The following LEO1 variants were observed in gnomAD, a reference collection of about 807,000 sequenced individuals.
LEO1 encodes RNA polymerase-associated protein LEO1.
In LEO1, 34 loss-of-function variants were observed where a neutral mutation model predicts 80.4. The observed-to-expected ratio is 0.42, with a 90% CI of 0.32 to 0.56. The LOEUF is 0.56. LEO1 is among the 20% of genes least tolerant of loss of function. LEO1 has a pLI of 0.10. For synonymous variants in LEO1, 262 were observed against 274.9 expected (o/e 0.95, Z 0.46); for missense variants, 631 against 814.2 (o/e 0.77, Z 2.74).
intron 6 of LEO1, 40 bp from the exon 7 acceptor site, chr15:51,954,615 A>C: frequency 7.5e-7 from 1 of 1,335,974 alleles, no homozygotes; most frequent in Non-Finnish European, 1.1e-6. Flanking sequence ...TTATAGTTTA[A>C]ATGACTCTAT....
intron 11 of LEO1, among the ~76,000 whole-genome samples, chr15:51,946,088 G>C (rs1278469734): frequency 2.6e-5 from 4 of 151,974 alleles, no homozygotes; most frequent in South Asian, 4.1e-4. Flanking sequence ...ATATGAAAAA[G>C]ATGCTGTTTA....
At chr15:51,958,363 G>A (rs2057005474) in intron 6 of LEO1, among the ~76,000 whole-genome samples, 1 of 152,146 alleles carries the variant, frequency 6.6e-6, no homozygotes, top group Non-Finnish European at 1.5e-5. Context: ...GCTGAGATGG[G>A]AAGATCACTT....
chr15:51,954,330 T>A (rs1023829944), intron 7 of LEO1, 151 bp downstream of exon 7: 1 of 596,500 alleles, frequency 1.7e-6, no homozygotes, highest in East Asian at 2.8e-5. Context: ...TCCACTGAGC[T>A]GTTATCATGT....
At position 51,951,836 on chromosome 15, in the gene LEO1, A is replaced by C; in HGVS notation, c.1611+8T>G. On this transcript the variant is annotated splice_region_variant and intron_variant, in intron 9 of 11. Transcript: ENST00000299601. Reference sequence around the variant, plus strand: ...TCCCAGGATAACGCTTAGGCTTAGCAAACATACCTTAATCATTTCTGTGCG... The same window carrying C: ...TCCCAGGATAACGCTTAGGCTTAGCCAACATACCTTAATCATTTCTGTGCG... 1 of 1,613,562 alleles carries C rather than the reference A, an allele frequency of 6.2e-7. No homozygotes were observed. The highest frequency in any genetic ancestry group is 8.5e-7 in the Non-Finnish European group (1 of 1,179,634).
At chr15:51,960,101 A>G in intron 4 of LEO1, 57 bp from the exon 5 acceptor site, 1 of 1,372,744 alleles carries the variant, frequency 7.3e-7, no homozygotes, top group Non-Finnish European at 1.0e-6. Flanking sequence ...GGCTTCCTTC[A>G]ACCTCCACAC....
rs774730401 is a variant in LEO1, at chr15:51,962,436, G to A, written c.872C>T (p.Ala291Val). 8 of 1,613,488 alleles carry A rather than the reference G, an allele frequency of 5.0e-6. No individual in the cohort carries two copies. The South Asian group carries it at 5.5e-5, about 11-fold the overall frequency. Residue 291 changes from alanine (A) to valine (V), a missense_variant, in exon 3 of 12, where the codon GCG becomes GTG. Around this residue, in one of 4 missense-constraint regions of LEO1, gnomAD observed 394 missense variants for 395.6 expected, o/e 1.00. Transcript: ENST00000299601. ...DEVLRMKRKN[A>V]IASDSEADSD... ...ATCCGCTTCTGAATCAGATGCAATCGCATTCTTGCGTTTCATTCGTAAAAC... is the reference window on the plus strand; with the variant it reads ...ATCCGCTTCTGAATCAGATGCAATCACATTCTTGCGTTTCATTCGTAAAAC...
At chr15:51,960,404 ATC>A (rs2057020817) in intron 4 of LEO1, among the ~76,000 whole-genome samples, 2 of 152,302 alleles carry the variant, frequency 1.3e-5, no homozygotes, top group African/African-American at 4.8e-5. Flanking sequence ...TGGTTCTCAA[ATC>A]ACAAGTCCTC....
Position 51,966,064 on chromosome 15 carries a change from T to G in LEO1, c.499A>C (p.Arg167=), listed in dbSNP as rs201276820. The change falls in exon 2 of 12, where the codon AGG becomes CGG. Residue 167 remains arginine, a synonymous_variant. Transcript: ENST00000299601. ...TTATCTTCATCAGATCCTTGTGCCC[T>G]CTCCTCATCATCAGAATTTTGTATC... ...EKIQNSDDEE[R]AQGSDEDKLQ... 9.3e-6 allele frequency: 15 copies of G among 1,613,914 alleles called. No individual in the cohort carries two copies. The highest frequency in any genetic ancestry group is 1.7e-5 in the Admixed American group (1 of 59,994).
At chr15:51,942,236 A>G (rs2056858810) in intron 11 of LEO1, among the ~76,000 whole-genome samples, 1 of 152,124 alleles carries the variant, frequency 6.6e-6, no homozygotes, top group African/African-American at 2.4e-5. Flanking sequence ...CGGAAGTAAA[A>G]TTTTTGTTGT....
intron 2 of LEO1, among the ~76,000 whole-genome samples, chr15:51,963,345 T>C (rs934256435): frequency 2.0e-5 from 3 of 151,894 alleles, no homozygotes; most frequent in African/African-American, 7.3e-5. Context: ...CTAAAACTTA[T>C]CAAATTTACA....
intron 11 of LEO1, among the ~76,000 whole-genome samples, chr15:51,943,691 C>A (rs2056875298): frequency 7.3e-6 from 1 of 136,262 alleles, no homozygotes; most frequent in Non-Finnish European, 1.6e-5. Context: ...CAGAGTGAGA[C>A]CCTGTCTCAA....
At chr15:51,953,295 C>G in intron 7 of LEO1, 32 bp from the exon 8 acceptor site, 1 of 1,609,174 alleles carries the variant, frequency 6.2e-7, no homozygotes, top group African/African-American at 1.3e-5. Context: ...CTATTAAAGT[C>G]ATAAAGCTTT....
chr15:51,959,282 G>A (rs1566885509), intron 5 of LEO1, among the ~76,000 whole-genome samples: 1 of 152,136 alleles, frequency 6.6e-6, no homozygotes, highest in Non-Finnish European at 1.5e-5. Flanking sequence ...GGGATTATAG[G>A]TGTGAACCAC....
chr15:51,949,534 T>C (rs192315189), intron 10 of LEO1, among the ~76,000 whole-genome samples: 1 of 152,160 alleles, frequency 6.6e-6, no homozygotes, highest in East Asian at 1.9e-4. Context: ...ACCCCGTCTC[T>C]ACTAAAAATA....
In LEO1 at chr15:51,951,964, G is replaced by A. The variant is rs775885267; in HGVS notation, c.1491C>T (p.Asp497=). The part of the protein sequence containing the change: ...TKLTFRPHST[D]SATHRKMTLS... ...GAGTCATCTTTCTATGTGTGGCACTGTCCGTAGAGTGAGGTCTGCCAGGAA... is the reference window on the plus strand; with the variant it reads ...GAGTCATCTTTCTATGTGTGGCACTATCCGTAGAGTGAGGTCTGCCAGGAA... Residue 497 remains aspartate (D), a synonymous_variant, in exon 9 of 12, where the codon GAC becomes GAT. Coordinates refer to ENST00000299601, the MANE Select transcript of LEO1 (RefSeq NM_138792.4). 1.2e-6 allele frequency: 2 copies of A among 1,612,898 alleles called. No homozygotes were observed. The highest frequency in any genetic ancestry group is 1.7e-6 in the Non-Finnish European group (2 of 1,179,260).
Position 51,966,457 on chromosome 15 carries a change from A to T in LEO1, c.106T>A (p.Ser36Thr). 6 of 1,613,364 alleles carry T rather than the reference A, an allele frequency of 3.7e-6. No homozygotes were observed. Among genetic ancestry groups the T allele is most frequent in the Non-Finnish European group, 2.5e-6 (3 of 1,179,488 alleles). ...DSDSDQENAA[S>T]GSNASGSESD... The stretch of plus-strand genomic sequence containing the variant: ...TCACTTCCAGAGGCATTACTGCCAG[A>T]GGCAGCATTCTCTTGATCAGAATCT... Residue 36 changes from serine to threonine, a missense_variant, in exon 2 of 12, where the codon TCT becomes ACT. Ser to Thr is a moderately conservative substitution (Grantham distance 58). Coordinates refer to ENST00000299601, the MANE Select transcript of LEO1 (RefSeq NM_138792.4).
intron 10 of LEO1, among the ~76,000 whole-genome samples, chr15:51,948,326 C>T (rs748589556): frequency 6.6e-6 from 1 of 152,218 alleles, no homozygotes; most frequent in Non-Finnish European, 1.5e-5. Context: ...GAATGTTACA[C>T]ACCTCTCTCT....
chr15:51,954,495 C>T lies in LEO1; in HGVS notation c.1326G>A (p.Lys442=). 6.2e-7 allele frequency: 1 copy of T among 1,612,632 alleles called. No individual in the cohort carries two copies. The highest frequency in any genetic ancestry group is 8.5e-7 in the Non-Finnish European group (1 of 1,178,624). Residue 442 remains lysine, a synonymous_variant, in exon 7 of 12, where the codon AAG becomes AAA. Transcript: ENST00000299601. ...EIKESNARIV[K]WSDGSMSLHL... is the part of the protein sequence containing the mutation. ...TTTGTGCTCACCTTCCATCTGACCA[C>T]TTGACTATCCGAGCATTGCTTTCTT...
intron 11 of LEO1, 88 bp from the exon 12 acceptor site, chr15:51,938,348 C>G (rs1021968680): frequency 8.3e-5 from 60 of 719,666 alleles, no homozygotes; most frequent in South Asian, 5.7e-4. Context: ...GCTGAATGAC[C>G]CTCTGACAAC....
Sources: gnomAD v4.1 joint callset for allele counts (sites outside exome capture counted in the v4.1 genomes callset) on GRCh38, gnomAD v4.1.1 for gene constraint, gnomAD v4.1.1 regional missense constraint, MANE v1.5 for transcripts, NCBI Gene and HGNC (gene_info 2026-07-23, HGNC 2026-07-21) for gene names.